Variants in SPATA21 observed in about 807,000 individuals in gnomAD.
The protein encoded by SPATA21 is spermatogenesis associated 21, also known as spermatogenesis-associated protein 21.
In SPATA21, 47 loss-of-function variants were observed where a neutral mutation model predicts 54.8. That is an observed-to-expected ratio of 0.86 (90% CI 0.68 to 1.09). The LOEUF (loss-of-function observed/expected upper bound fraction) is 1.09. Ranked by LOEUF, SPATA21 falls within the 50% of genes least tolerant of loss-of-function variation. The pLI is 0.00. For synonymous variants in SPATA21, 245 were observed against 235.3 expected, an observed-to-expected ratio of 1.04 and a Z score of -0.38; for missense variants, 599 against 596.4, an observed-to-expected ratio of 1.00 and a Z score of -0.05.
chr1:16,408,175 G>T (rs1000171612), intron 7 of SPATA21, among the ~76,000 whole-genome samples: 5 of 152,184 alleles, frequency 3.3e-5, no homozygotes, highest in Non-Finnish European at 7.3e-5. Context: ...TGGCCAAGAG[G>T]GTTGCAGGCT....
intron 3 of SPATA21, 29 bp downstream of exon 3, chr1:16,431,309 T>C: frequency 6.2e-7 from 1 of 1,614,156 alleles, no homozygotes; most frequent in Non-Finnish European, 8.5e-7. Flanking sequence ...GGCCAGGACT[T>C]GGCTGCGTCC....
rs2085417160 is a variant in SPATA21 at position 16,400,702 on chromosome 1, C to T, written c.1174+18G>A. ...AAGCCCCAACCCTAGCCCATCCCAC[C>T]CTGCCCAGGGCCCTCACCATAGTTC... On this transcript the variant is annotated intron_variant, in intron 11 of 12. Coordinates refer to ENST00000335496, the MANE Select transcript of SPATA21 (RefSeq NM_198546.1). 6.2e-7 allele frequency: 1 copy of T among 1,602,668 alleles called. No homozygotes were observed. Among genetic ancestry groups the T allele is most frequent in the East Asian group, 2.2e-5 (1 of 44,632 alleles).
At chr1:16,399,599 C>A in intron 11 of SPATA21, 78 bp from the exon 12 acceptor site, 1 of 1,482,312 alleles carries the variant, frequency 6.7e-7, no homozygotes, top group Non-Finnish European at 9.1e-7. Flanking sequence ...CAAGTGAAAT[C>A]CTGGCGTTGC....
chr1:16,411,303 C>T (rs1309140617), intron 5 of SPATA21, among the ~76,000 whole-genome samples: 1 of 152,152 alleles, frequency 6.6e-6, no homozygotes, highest in Non-Finnish European at 1.5e-5. Flanking sequence ...AATCCCACCT[C>T]AGCCTCCCAA....
chr1:16,437,524 C>A (rs2086613729), upstream of SPATA21: 1 of 152,272 alleles, frequency 6.6e-6, no homozygotes, highest in Non-Finnish European at 1.5e-5. Flanking sequence ...CCCTGACTCT[C>A]CCCAGACTGT....
intron 11 of SPATA21, among the ~76,000 whole-genome samples, chr1:16,400,131 A>AT (rs1357329427): frequency 2.0e-5 from 3 of 151,726 alleles, no homozygotes; most frequent in Non-Finnish European, 4.4e-5. Flanking sequence ...GGTTCAAGCG[A>AT]TTCTCCAGCC....
intron 10 of SPATA21, 77 bp downstream of exon 10, chr1:16,403,650 A>G: frequency 1.5e-6 from 2 of 1,332,338 alleles, no homozygotes; most frequent in Non-Finnish European, 2.2e-6. Context: ...GTAACTACCA[A>G]AAGTTCTCAG....
chr1:16,431,488 C>T, intron 2 of SPATA21, 66 bp from the exon 3 acceptor site: 1 of 1,474,260 alleles, frequency 6.8e-7, no homozygotes, highest in Non-Finnish European at 9.2e-7. Flanking sequence ...CAGGAGCCCA[C>T]TTGGAGCCTA....
chr1:16,416,198 G>A (rs2086001517), intron 5 of SPATA21, among the ~76,000 whole-genome samples: 1 of 152,210 alleles, frequency 6.6e-6, no homozygotes, highest in African/African-American at 2.4e-5. Context: ...CAGCCTCGGG[G>A]TGCTCTAGTC....
At chr1:16,437,569 G>A (rs2086614156), upstream of SPATA21, 2 of 152,218 alleles carry the variant, frequency 1.3e-5, no homozygotes, top group African/African-American at 4.8e-5. Flanking sequence ...ACAGGCCCCT[G>A]TGAATTTGCT....
intron 1 of SPATA21, among the ~76,000 whole-genome samples, chr1:16,433,421 C>G (rs1220214108): frequency 6.6e-6 from 1 of 152,236 alleles, no homozygotes. Flanking sequence ...TTCTCTCTTG[C>G]CTTGGAGTTC....
At chr1:16,433,121 C>T (rs11260756) in intron 1 of SPATA21, among the ~76,000 whole-genome samples, 197 bp from the exon 2 acceptor site, 36,659 of 152,184 alleles carry the variant, frequency 0.24, 5,126 homozygotes, top group East Asian at 0.63. Flanking sequence ...TTTAATGACA[C>T]GTGCCCGTGC....
Position 16,409,032 on chromosome 1 carries a change from G to A in SPATA21, c.673+86C>T. ...TGGCGGCAGCCATGTGATCTGGAAA[G>A]CACCCCAGTCCGCCCTGCGCCTATA... On this transcript the variant is annotated intron_variant, in intron 7 of 12. Coordinates refer to ENST00000335496, the MANE Select transcript of SPATA21 (RefSeq NM_198546.1). The surrounding 1 kb of genome is among the most constrained non-coding windows in gnomAD (Gnocchi z 4.1). 1 of 1,417,074 alleles carries A rather than the reference G, an allele frequency of 7.1e-7. No individual in the cohort carries two copies. Among genetic ancestry groups the A allele is most frequent in the Non-Finnish European group, 9.9e-7 (1 of 1,010,418 alleles). The allele number at this position is 1,417,074 out of a possible 1,614,324, so 87.8% of individuals were successfully genotyped here. A position where few individuals can be genotyped will look rare whatever the true frequency, so the allele number is the denominator to read the frequency against.
At position 16,421,953 on chromosome 1, in the gene SPATA21, G is replaced by C. The variant is rs765782048; in HGVS notation, c.53C>G (p.Pro18Arg). 1 of 1,614,206 alleles carries C rather than the reference G, an allele frequency of 6.2e-7. No individual in the cohort carries two copies. Among genetic ancestry groups the C allele is most frequent in the Non-Finnish European group, 8.5e-7 (1 of 1,180,028 alleles). ...AGGTCCAGGCGTGGATGGCAGGAAG[G>C]GGTTGACTGTCTTTTCCTCTGGAGC... ...MYTEEEKTVN[P>R]FLPSTPGPKK... The change falls in exon 4 of 13, where the codon CCC becomes CGC. Residue 18 changes from proline (P) to arginine (R), a missense_variant. Coordinates refer to ENST00000335496, the MANE Select transcript of SPATA21 (RefSeq NM_198546.1). This position sits in a 1 kb window ranked among gnomAD's most constrained non-coding sequence, Gnocchi z 5.2.
chr1:16,403,483 C>CTTTTTTTTTTTTT (rs1229942098), intron 10 of SPATA21, among the ~76,000 whole-genome samples: 2 of 117,118 alleles, frequency 1.7e-5, no homozygotes, highest in African/African-American at 2.9e-5. Context: ...TAGTTTTTTT[C>CTTTTTTTTTTTTT]TTTTTTTTCT....
intron 3 of SPATA21, among the ~76,000 whole-genome samples, chr1:16,430,114 C>CAAAAAAAA (rs1226598581): frequency 1.9e-5 from 1 of 53,152 alleles, no homozygotes; most frequent in African/African-American, 8.2e-5. Context: ...GACTCTATCT[C>CAAAAAAAA]AAAAAAAAAA....
At chr1:16,432,114 C>CTT (rs35240103) in intron 2 of SPATA21, among the ~76,000 whole-genome samples, 97 of 133,112 alleles carry the variant, frequency 7.3e-4, no homozygotes, top group African/African-American at 1.5e-3. Context: ...TCTTCTTCTT[C>CTT]TTTTTTTTTT....
chr1:16,399,657 G>C, intron 11 of SPATA21, 136 bp from the exon 12 acceptor site: 1 of 974,958 alleles, frequency 1.0e-6, no homozygotes, highest in Non-Finnish European at 1.5e-6. Context: ...ACCTCTCTAA[G>C]CTTCTGAGCT....
rs1031215562 is a variant in SPATA21 at position 16,400,948 on chromosome 1, C to A, written c.1002-56G>T. The A allele has an allele frequency of 3.2e-6, 5 of 1,564,214 alleles. No individual in the cohort carries two copies. The African/African-American group carries it at 4.1e-5, about 13-fold the overall frequency. On this transcript the variant is annotated intron_variant, in intron 10 of 12. Transcript: ENST00000335496. ...TGGCTGTGTTTAATTCACCCTTCTC[C>A]TCCTCAGCCCCTATCTCTCTGGCCA...
Sources: gnomAD v4.1 joint callset for allele counts (sites outside exome capture counted in the v4.1 genomes callset) on GRCh38, gnomAD v4.1.1 for gene constraint, Gnocchi (gnomAD v3.1) non-coding constraint, MANE v1.5 for transcripts, NCBI Gene and HGNC (gene_info 2026-07-23, HGNC 2026-07-21) for gene names.